Variants in IFI27L1 observed in about 807,000 individuals in gnomAD.
IFI27L1 encodes the protein interferon alpha-inducible protein 27-like protein 1.
IFI27L1 carries 3 observed loss-of-function variants against 9.2 expected under a neutral mutation model. The observed-to-expected ratio is 0.32, with a 90% CI of 0.15 to 0.84. IFI27L1 has a LOEUF of 0.84. Ranked by LOEUF, IFI27L1 falls within the 40% of genes least tolerant of loss-of-function variation. The probability of loss-of-function intolerance (pLI) is 0.56; values close to 1 mark genes in which losing one functional copy is unlikely to be tolerated. For missense variants in IFI27L1, 133 were observed against 134.2 expected, an observed-to-expected ratio of 0.99 and a Z score of 0.05; for synonymous variants, 53 against 50.0, an observed-to-expected ratio of 1.06 and a Z score of -0.26.
chr14:94,101,400 G>A (rs1886891208), intron 3 of IFI27L1: 4 of 244,158 alleles, frequency 1.6e-5, no homozygotes, highest in African/African-American at 8.9e-5. Flanking sequence ...TGCTGCTGCA[G>A]GGCCTTCAGG....
At chr14:94,094,637 G>C (rs543918435) in intron 1 of IFI27L1, 1 of 152,090 alleles carries the variant, frequency 6.6e-6, no homozygotes, top group Non-Finnish European at 1.5e-5. Context: ...CAGAAAACTC[G>C]TGAATGAGCC....
intron 1 of IFI27L1, among the ~76,000 whole-genome samples, chr14:94,085,566 G>A (rs1279590644): frequency 6.6e-6 from 1 of 152,108 alleles, no homozygotes; most frequent in Non-Finnish European, 1.5e-5. Context: ...ATCCCACAGT[G>A]TTAAGTAGTT....
At chr14:94,081,672 G>C (rs915095934) in intron 1 of IFI27L1, among the ~76,000 whole-genome samples, 1 of 152,222 alleles carries the variant, frequency 6.6e-6, no homozygotes, top group Non-Finnish European at 1.5e-5. Context: ...CTCGTACCTA[G>C]ATCATAGGGA....
In IFI27L1 at chr14:94,100,438, A is replaced by G. The variant is rs1010113519; in HGVS notation, c.29-301A>G. The G allele has an allele frequency of 5.1e-6, 5 of 985,360 alleles. No individual in the cohort carries two copies. The South Asian group carries it at 1.4e-4, about 28-fold the overall frequency. 61.0% of individuals were successfully genotyped at this position (985,360 alleles called of 1,614,324 possible). ...TTCCTGCCAGCCCTGAGAGCTCAACACAACTCAGGAGGCCCAGGCATGCTC... is the reference window on the plus strand; with the variant it reads ...TTCCTGCCAGCCCTGAGAGCTCAACGCAACTCAGGAGGCCCAGGCATGCTC... On this transcript the variant is annotated intron_variant, in intron 2 of 4. Coordinates refer to ENST00000555523, the MANE Select transcript of IFI27L1 (RefSeq NM_206949.3).
At chr14:94,087,759 C>T (rs1021698235) in intron 1 of IFI27L1, among the ~76,000 whole-genome samples, 2 of 152,240 alleles carry the variant, frequency 1.3e-5, no homozygotes, top group African/African-American at 4.8e-5. Flanking sequence ...CAAGCAACTC[C>T]ATTTTGACTC....
At position 94,096,884 on chromosome 14, in the gene IFI27L1, C is replaced by G. The variant is rs923202760; in HGVS notation, c.-51-3C>G. 1 of 1,575,106 alleles carries G rather than the reference C, an allele frequency of 6.3e-7. No homozygotes were observed. ...CTGAATAAAGTCAAAACTCAACCAA[C>G]AGGTGGAAGTCCAAGAATCCGAGTG... On this transcript the variant is annotated splice_region_variant and splice_polypyrimidine_tract_variant and intron_variant, in intron 1 of 4. Coordinates refer to ENST00000555523, the MANE Select transcript of IFI27L1 (RefSeq NM_206949.3).
At chr14:94,101,775 C>G (rs564140104) in intron 3 of IFI27L1, 39 bp from the exon 4 acceptor site, 2 of 1,608,382 alleles carry the variant, frequency 1.2e-6, no homozygotes, top group African/African-American at 2.7e-5. Flanking sequence ...TGGGGGACTC[C>G]GTCCCATGGG....
At chr14:94,091,272 G>A (rs1000329857) in intron 1 of IFI27L1, among the ~76,000 whole-genome samples, 5 of 152,138 alleles carry the variant, frequency 3.3e-5, no homozygotes, top group Admixed American at 2.0e-4. Flanking sequence ...TAGGACAGCC[G>A]CTATTATAGC....
chr14:94,096,993 T>G (rs776789849), intron 2 of IFI27L1, 28 bp downstream of exon 2: 2 of 1,593,504 alleles, frequency 1.3e-6, no homozygotes, highest in Non-Finnish European at 1.7e-6. Context: ...TTCTGGGGGC[T>G]GCTGGTCCTT....
At chr14:94,081,706 C>A (rs78079283) in intron 1 of IFI27L1, among the ~76,000 whole-genome samples, 2,600 of 152,264 alleles carry the variant, frequency 0.017, 61 homozygotes, top group East Asian at 0.096. Context: ...ACAAGGGTGA[C>A]GTGTGATGAG....
At chr14:94,100,176 G>A (rs1371566747) in intron 2 of IFI27L1, 2 of 588,082 alleles carry the variant, frequency 3.4e-6, no homozygotes, top group South Asian at 1.5e-4. Context: ...CAGGTCAGGA[G>A]TCGTGACAGA....
chr14:94,099,015 G>A (rs891190681), intron 2 of IFI27L1, among the ~76,000 whole-genome samples: 1 of 152,210 alleles, frequency 6.6e-6, no homozygotes, highest in East Asian at 1.9e-4. Context: ...GCTCTAAGGA[G>A]CAAAGCAAAG....
At chr14:94,087,985 T>C (rs753436622) in intron 1 of IFI27L1, among the ~76,000 whole-genome samples, 8 of 152,210 alleles carry the variant, frequency 5.3e-5, no homozygotes, top group Non-Finnish European at 7.3e-5. Flanking sequence ...ATGCAAACAC[T>C]GCATGTTCCA....
At position 94,082,422 on chromosome 14, in the gene IFI27L1, C is replaced by T. The variant is rs866669838; in HGVS notation, c.-52+973C>T. On this transcript the variant is annotated intron_variant, in intron 1 of 4. Coordinates refer to ENST00000555523, the MANE Select transcript of IFI27L1 (RefSeq NM_206949.3). ...GTTATCCCCAAGATCTAGGTAAGATCGTTGATGAAGGTGGCCACTGAACAG... is the reference window on the plus strand; with the variant it reads ...GTTATCCCCAAGATCTAGGTAAGATTGTTGATGAAGGTGGCCACTGAACAG... 3.8e-4 allele frequency among the ~76,000 whole-genome samples: 58 copies of T among 151,684 alleles called. 1 individual carries two copies. Among genetic ancestry groups the T allele is most frequent in the African/African-American group, 1.3e-3 (52 of 40,956 alleles).
chr14:94,085,828 C>G (rs998653470), intron 1 of IFI27L1, among the ~76,000 whole-genome samples: 6 of 152,120 alleles, frequency 3.9e-5, no homozygotes, highest in Non-Finnish European at 5.9e-5. Flanking sequence ...TATCCCTACC[C>G]AGAACACAAA....
chr14:94,097,721 C>T (rs1025409326), intron 2 of IFI27L1: 3 of 701,828 alleles, frequency 4.3e-6, no homozygotes, highest in Non-Finnish European at 7.8e-6. Flanking sequence ...AGGAGAGAAA[C>T]CATGTGGAGT....
rs1438864186 is a variant in IFI27L1 at position 94,102,494 on chromosome 14, G to A, written c.241G>A (p.Val81Met). The A allele has an allele frequency of 1.3e-6, 2 of 1,593,962 alleles. No individual in the cohort carries two copies. The highest frequency in any genetic ancestry group is 1.7e-6 in the Non-Finnish European group (2 of 1,169,902). ...TCCCCCAGGGGCAGCTGGACTCTCT[G>A]TGACATCTAAAGTTATCGGGGGCTT... is the stretch of plus-strand genomic sequence containing the variant. ...LQSVGAAGLS[V>M]TSKVIGGFAG... is the part of the protein sequence containing the mutation. The change falls in exon 5 of 5, where the codon GTG becomes ATG. Residue 81 changes from valine (V) to methionine (M), a missense_variant. Physicochemically the swap from Val to Met is conservative, Grantham distance 21 (BLOSUM62 1). Transcript: ENST00000555523.
chr14:94,085,124 T>A (rs1886239699), intron 1 of IFI27L1, among the ~76,000 whole-genome samples: 1 of 152,162 alleles, frequency 6.6e-6, no homozygotes, highest in Non-Finnish European at 1.5e-5. Flanking sequence ...GTTGATTGAC[T>A]TTCCAAAAAG....
chr14:94,088,816 T>G (rs1886371123), intron 1 of IFI27L1, among the ~76,000 whole-genome samples: 1 of 152,208 alleles, frequency 6.6e-6, no homozygotes, highest in Non-Finnish European at 1.5e-5. Context: ...TCTCCTAGTC[T>G]TCGGAGTTCC....
Sources: gnomAD v4.1 joint callset for allele counts (sites outside exome capture counted in the v4.1 genomes callset) on GRCh38, gnomAD v4.1.1 for gene constraint, MANE v1.5 for transcripts, NCBI Gene and HGNC (gene_info 2026-07-23, HGNC 2026-07-21) for gene names.